The following CRTC2 variants were observed in gnomAD, a reference collection of about 807,000 sequenced individuals.
CRTC2 encodes CREB-regulated transcription coactivator 2.
In CRTC2, 25 loss-of-function variants were observed where a neutral mutation model predicts 70.9. The ratio of observed to expected loss-of-function variants is 0.35; its 90% CI spans 0.26 to 0.49. CRTC2 has a LOEUF of 0.49. Among genes scored for constraint, CRTC2 ranks in the 20% least tolerant of loss-of-function variants. CRTC2 has a pLI of 0.98. For synonymous variants in CRTC2, 330 were observed against 364.1 expected (o/e 0.91, Z 1.07); for missense variants, 737 against 882.6 (o/e 0.83, Z 2.09).
Position 153,958,352 on chromosome 1 carries a change from G to C in CRTC2, c.146C>G (p.Ser49Cys). Residue 49 changes from serine to cysteine, a missense_variant, in exon 1 of 14, where the codon TCC becomes TGC. Around this residue, in one of 3 missense-constraint regions of CRTC2, gnomAD observed 699 missense variants for 823.7 expected, o/e 0.85. Coordinates refer to ENST00000368633, the MANE Select transcript of CRTC2 (RefSeq NM_181715.3). ...CCCGGCGCGGCCCCTCACCCGGGTG[G>C]AGCCGATGTCCATCATCACCTCCTC... Reference protein sequence around the residue: ...AFEEVMMDIGSTRLQAQKLRL... With the variant: ...AFEEVMMDIGCTRLQAQKLRL... 1 of 1,612,202 alleles carries C rather than the reference G, an allele frequency of 6.2e-7. No homozygotes were observed. Among genetic ancestry groups the C allele is most frequent in the Non-Finnish European group, 8.5e-7 (1 of 1,179,422 alleles).
Position 153,953,550 on chromosome 1 carries a change from G to A in CRTC2, c.491C>T (p.Ser164Phe). Residue 164 changes from serine (S) to phenylalanine (F), a missense_variant, in exon 5 of 14, where the codon TCT becomes TTT. By Grantham distance (155) the Ser-to-Phe change is radical. This residue lies in a region of CRTC2 where 699 missense variants were observed against 823.7 expected (regional missense o/e 0.85). Transcript: ENST00000368633. Reference protein sequence around the residue: ...AEKGQLFRLPSALNRTSSDSA... With the variant: ...AEKGQLFRLPFALNRTSSDSA... ...CAAAAGCCATCACCTGTTAAGTGCA[G>A]ATGGTAGTCGAAACAACTGCCCCTT... is the stretch of plus-strand genomic sequence containing the variant. 6.2e-7 allele frequency: 1 copy of A among 1,611,508 alleles called. No individual in the cohort carries two copies. The highest frequency in any genetic ancestry group is 8.5e-7 in the Non-Finnish European group (1 of 1,179,388).
chr1:153,956,060 C>T lies in CRTC2; in HGVS notation c.154-894G>A, dbSNP rs530909865. On this transcript the variant is annotated intron_variant, in intron 1 of 13. Transcript: ENST00000368633. ...AGAGCCATTACTGCCAGCCTCTTTCCTTCCCACTCTGGAGAGCACAGGCTT... is the reference window on the plus strand; with the variant it reads ...AGAGCCATTACTGCCAGCCTCTTTCTTTCCCACTCTGGAGAGCACAGGCTT... Among the ~76,000 whole-genome samples, 4 of 152,364 alleles carry T rather than the reference C, an allele frequency of 2.6e-5. No individual in the cohort carries two copies. In the South Asian group the frequency reaches 6.2e-4, roughly 24 times the overall value.
chr1:153,954,224 G>C (rs951219015), intron 4 of CRTC2, 31 bp downstream of exon 4: 1 of 1,565,078 alleles, frequency 6.4e-7, no homozygotes, highest in Admixed American at 1.7e-5. Flanking sequence ...CAGAGAGTAG[G>C]CAGGAGCTTC....
chr1:153,947,943 G>A lies in CRTC2; in HGVS notation c.*166C>T. The A allele has an allele frequency of 2.8e-6, 2 of 727,256 alleles. No homozygotes were observed. Among genetic ancestry groups the A allele is most frequent in the Non-Finnish European group, 4.6e-6 (2 of 434,906 alleles). 45.1% of individuals were successfully genotyped at this position (727,256 alleles called of 1,614,324 possible). The stretch of plus-strand genomic sequence containing the variant: ...GCCCATCCCTTGCGCAGAATTCAGG[G>A]GCCACCTGGACAAACCCCTTGCTTT... On this transcript the variant is annotated 3_prime_UTR_variant, in exon 14 of 14. Coordinates refer to ENST00000368633, the MANE Select transcript of CRTC2 (RefSeq NM_181715.3).
intron 12 of CRTC2, 56 bp downstream of exon 12, chr1:153,949,059 C>G: frequency 6.3e-7 from 1 of 1,583,546 alleles, no homozygotes; most frequent in Middle Eastern, 1.7e-4. Context: ...ATTCAGGCCC[C>G]ATTGACCCAC....
At chr1:153,954,364 G>C in intron 3 of CRTC2, 48 bp from the exon 4 acceptor site, 1 of 1,321,260 alleles carries the variant, frequency 7.6e-7, no homozygotes, top group Non-Finnish European at 1.1e-6. Context: ...AGATGAGAGA[G>C]GCCAAATGAG....
In CRTC2 at chr1:153,951,578, C is replaced by G; in HGVS notation, c.1086G>C (p.Gln362His). Residue 362 changes from glutamine (Q) to histidine (H), a missense_variant, in exon 11 of 14, where the codon CAG becomes CAC. Gln to His is a conservative substitution (Grantham distance 24). Transcript: ENST00000368633. ...LQASLSSPQP[Q>H]LQGSHSHPSL... ...AGGGGTGGCTGTGGGAGCCCTGAAGCTGGGGCTGAGGACTGCTCAGGGAAG... is the reference window on the plus strand; with the variant it reads ...AGGGGTGGCTGTGGGAGCCCTGAAGGTGGGGCTGAGGACTGCTCAGGGAAG... 1 of 1,612,500 alleles carries G rather than the reference C, an allele frequency of 6.2e-7. No individual in the cohort carries two copies. The highest frequency in any genetic ancestry group is 8.5e-7 in the Non-Finnish European group (1 of 1,179,256).
At chr1:153,951,989 G>A in intron 10 of CRTC2, 29 bp downstream of exon 10, 5 of 1,600,880 alleles carry the variant, frequency 3.1e-6, no homozygotes, top group Non-Finnish European at 4.3e-6. Flanking sequence ...GCAGCACCCA[G>A]TGGGCACATG....
At position 153,947,991 on chromosome 1, in the gene CRTC2, T is replaced by C. The variant is rs934992802; in HGVS notation, c.*118A>G. 9.6e-7 allele frequency: 1 copy of C among 1,038,782 alleles called. No individual in the cohort carries two copies. The allele number at this position is 1,038,782 out of a possible 1,614,324, so 64.3% of individuals were successfully genotyped here. A position where few individuals can be genotyped will look rare whatever the true frequency, so the allele number is the denominator to read the frequency against. On this transcript the variant is annotated 3_prime_UTR_variant, in exon 14 of 14. Coordinates refer to ENST00000368633, the MANE Select transcript of CRTC2 (RefSeq NM_181715.3). ...TTTTTCTCATTCTTGGCATCCTTCA[T>C]TCATGCTAGAAAGAGGATCTGGGGA...
Position 153,948,198 on chromosome 1 carries a change from G to A in CRTC2, c.1993C>T (p.Leu665=). 1 of 1,614,248 alleles carries A rather than the reference G, an allele frequency of 6.2e-7. No homozygotes were observed. Among genetic ancestry groups the A allele is most frequent in the South Asian group, 1.1e-5 (1 of 91,090 alleles). ...EDELRMEPLG[L]EGLNMLSDPC... is the part of the protein sequence containing the mutation. ...TCACTCAGCATGTTTAGCCCTTCCA[G>A]GCCCAGTGGCTCCATGCGCAGCTCA... Residue 665 remains leucine (L), a synonymous_variant, in exon 14 of 14, where the codon CTG becomes TTG. Coordinates refer to ENST00000368633, the MANE Select transcript of CRTC2 (RefSeq NM_181715.3).
rs375802213 is a variant in CRTC2, at chr1:153,948,347, A to T, written c.1862-18T>A. 1 of 1,613,920 alleles carries T rather than the reference A, an allele frequency of 6.2e-7. No homozygotes were observed. Among genetic ancestry groups the T allele is most frequent in the African/African-American group, 1.3e-5 (1 of 74,946 alleles). ...GGAGTCCCCTGTGGGTAGAAGAGAC[A>T]GGTGAGGACCCCATGTCCTGTAAAC... On this transcript the variant is annotated intron_variant, in intron 13 of 13. Coordinates refer to ENST00000368633, the MANE Select transcript of CRTC2 (RefSeq NM_181715.3).
intron 1 of CRTC2, among the ~76,000 whole-genome samples, chr1:153,955,762 C>T (rs148925161): frequency 9.2e-5 from 14 of 151,736 alleles, no homozygotes; most frequent in East Asian, 5.8e-4. Context: ...AAAGGTCCAC[C>T]GAGATTTGGT....
chr1:153,958,040 G>A, intron 1 of CRTC2: 1 of 1,277,488 alleles, frequency 7.8e-7, no homozygotes, highest in Non-Finnish European at 9.9e-7. Flanking sequence ...ACTCCGTCAG[G>A]GATGCACAAG....
chr1:153,954,814 C>T, intron 3 of CRTC2, 59 bp downstream of exon 3: 2 of 1,438,102 alleles, frequency 1.4e-6, no homozygotes, highest in Admixed American at 1.7e-5. Flanking sequence ...TCCTATGAGT[C>T]CCTGAGGAAC....
chr1:153,951,802 A>G, intron 10 of CRTC2, 136 bp from the exon 11 acceptor site: 4 of 1,082,562 alleles, frequency 3.7e-6, no homozygotes, highest in Admixed American at 5.3e-5. Context: ...CCCTGACAGC[A>G]CTGCCCATCT....
At chr1:153,948,420 C>T (rs903623654) in intron 13 of CRTC2, 38 bp downstream of exon 13, 1 of 1,608,886 alleles carries the variant, frequency 6.2e-7, no homozygotes, top group African/African-American at 1.3e-5. Flanking sequence ...TGTGTCACTT[C>T]CTCCTTCCAT....
intron 3 of CRTC2, among the ~76,000 whole-genome samples, chr1:153,954,611 A>G (rs1317657484): frequency 6.6e-6 from 1 of 152,232 alleles, no homozygotes; most frequent in African/African-American, 2.4e-5. Context: ...GCAGGAGACA[A>G]GGAAGGCTTG....
At chr1:153,952,958 T>G (rs1680436210) in intron 6 of CRTC2, 124 bp from the exon 7 acceptor site, 12 of 1,205,952 alleles carry the variant, frequency 1.0e-5, no homozygotes, top group Admixed American at 6.8e-5. Context: ...CCGAGGCAGG[T>G]GGATCACGAG....
At chr1:153,949,704 C>G (rs1680220975) in intron 11 of CRTC2, among the ~76,000 whole-genome samples, 1 of 152,074 alleles carries the variant, frequency 6.6e-6, no homozygotes, top group Non-Finnish European at 1.5e-5. Context: ...TAAAAATTAG[C>G]TGGGCATGGT....
Sources: allele counts gnomAD v4.1 joint callset (sites outside exome capture counted in the v4.1 genomes callset), GRCh38; gene constraint gnomAD v4.1.1; regional missense constraint gnomAD v4.1.1; transcripts MANE v1.5; gene names NCBI Gene and HGNC (gene_info 2026-07-23, HGNC 2026-07-21).